CYP7B1: variants seen among roughly 807,000 people sequenced by gnomAD.
CYP7B1 encodes cytochrome P450 7B1.
A neutral mutation model predicts 42.7 loss-of-function variants in CYP7B1; 29 were observed. The ratio of observed to expected loss-of-function variants is 0.68; its 90% confidence interval spans 0.51 to 0.93. The LOEUF is 0.93. CYP7B1 is among the 40% of genes least tolerant of loss of function. CYP7B1 has a pLI of 0.00. For synonymous variants in CYP7B1, 235 were observed against 218.2 expected (o/e 1.08, Z -0.68); for missense variants, 655 against 600.5 (o/e 1.09, Z -0.95).
At chr8:64,729,217 T>C (rs1807372402) in intron 1 of CYP7B1, among the ~76,000 whole-genome samples, 1 of 152,182 alleles carries the variant, frequency 6.6e-6, no homozygotes. Context: ...TAAATATGTA[T>C]TTCAGATGAT....
chr8:64,724,594 A>T (rs746551778), intron 1 of CYP7B1, among the ~76,000 whole-genome samples: 2 of 152,234 alleles, frequency 1.3e-5, no homozygotes, highest in Non-Finnish European at 2.9e-5. Flanking sequence ...ATGTCTGAGA[A>T]GCAAGTCTGG....
chr8:64,786,770 C>T (rs1419780460), intron 1 of CYP7B1, among the ~76,000 whole-genome samples: 1 of 152,244 alleles, frequency 6.6e-6, no homozygotes, highest in Non-Finnish European at 1.5e-5. Flanking sequence ...CCCTTCTGCA[C>T]TGCCCTAGCA....
downstream of CYP7B1, among the ~76,000 whole-genome samples, chr8:64,590,292 C>T (rs1161155938): frequency 6.6e-6 from 1 of 152,172 alleles, no homozygotes; most frequent in Non-Finnish European, 1.5e-5. Context: ...TGAGAAAAGC[C>T]CAGTGTCCCA....
intron 5 of CYP7B1, among the ~76,000 whole-genome samples, chr8:64,597,538 G>A (rs564020334): frequency 6.6e-6 from 1 of 152,330 alleles, no homozygotes; most frequent in African/African-American, 2.4e-5. Flanking sequence ...TGATGTTGTA[G>A]TTAATTTCTT....
In CYP7B1 at chr8:64,766,034, G is replaced by A. The variant is rs572291865; in HGVS notation, c.122+32432C>T. 1.4e-4 allele frequency among the ~76,000 whole-genome samples: 21 copies of A among 152,236 alleles called. 1 individual carries two copies. In the South Asian group the frequency reaches 3.5e-3, roughly 26 times the overall value. On this transcript the variant is annotated intron_variant, in intron 1 of 5. Transcript: ENST00000310193. ...CATAACTGCAGCCTGAGAGTTTGGC[G>A]ATTTCTGGTATCTCAGTCAGGTCAA...
intron 1 of CYP7B1, among the ~76,000 whole-genome samples, chr8:64,628,373 G>A (rs1272216365): frequency 6.6e-6 from 1 of 152,164 alleles, no homozygotes; most frequent in Non-Finnish European, 1.5e-5. Flanking sequence ...TGGAGACGGG[G>A]AGTGGTGGTT....
intron 1 of CYP7B1, among the ~76,000 whole-genome samples, chr8:64,683,199 T>G (rs1806565925): frequency 6.6e-6 from 1 of 152,154 alleles, no homozygotes; most frequent in Non-Finnish European, 1.5e-5. Flanking sequence ...TGAGTGCCCA[T>G]CAATAGATGA....
At chr8:64,756,992 C>A (rs1807818688) in intron 1 of CYP7B1, among the ~76,000 whole-genome samples, 1 of 152,148 alleles carries the variant, frequency 6.6e-6, no homozygotes, top group African/African-American at 2.4e-5. Flanking sequence ...TTGTGGAGAC[C>A]AGCCAGGTCT....
intron 1 of CYP7B1, among the ~76,000 whole-genome samples, chr8:64,648,238 TC>T (rs1406749300): frequency 3.3e-5 from 5 of 152,212 alleles, no homozygotes; most frequent in African/African-American, 1.2e-4. Context: ...CTTATTTTGA[TC>T]TTTTTTTCTA....
rs540831718 is a variant in CYP7B1, at chr8:64,628,199, A to G, written c.123-3660T>C. On this transcript the variant is annotated intron_variant, in intron 1 of 5. Transcript: ENST00000310193. ...AAAACTATAAGAACACATCTAAGAC[A>G]TCACACAAATTTGAGCTTATACAGG... Among the ~76,000 whole-genome samples, 31 of 152,340 alleles carry G rather than the reference A, an allele frequency of 2.0e-4. 1 individual carries two copies. The highest frequency in any genetic ancestry group is 7.0e-4 in the African/African-American group (29 of 41,578).
chr8:64,748,188 C>T (rs2129633432), intron 1 of CYP7B1, among the ~76,000 whole-genome samples: 1 of 152,266 alleles, frequency 6.6e-6, no homozygotes, highest in Middle Eastern at 3.4e-3. Context: ...AGGACTGAAG[C>T]ACCTGCTGAG....
At chr8:64,764,396 G>GAC (rs1563419911) in intron 1 of CYP7B1, among the ~76,000 whole-genome samples, 16 of 151,894 alleles carry the variant, frequency 1.1e-4, no homozygotes, top group Non-Finnish European at 1.8e-4. Context: ...GGCACAGAGA[G>GAC]AGAAAGAAGG....
Position 64,591,775 on chromosome 8 carries a change from C to A in CYP7B1, c.*4867G>T, listed in dbSNP as rs1050127586. Reference sequence around the variant, plus strand: ...TTAGTGATAGGTAGCTTTTTCTTAACCACTTCAGGGCTTTAGTTTCTGCTG... The same window carrying A: ...TTAGTGATAGGTAGCTTTTTCTTAAACACTTCAGGGCTTTAGTTTCTGCTG... On this transcript the variant is annotated 3_prime_UTR_variant, in exon 6 of 6. Transcript: ENST00000310193. Among the ~76,000 whole-genome samples the A allele has an allele frequency of 3.3e-5, 5 of 152,124 alleles. No individual in the cohort carries two copies. The highest frequency in any genetic ancestry group is 1.2e-4 in the African/African-American group (5 of 41,434).
chr8:64,590,877 T>A lies in CYP7B1; in HGVS notation c.*5765A>T, dbSNP rs1282245998. ...GTGCTTTAAAGTTAATTTATTAAATTTTTGTTGTACATAAAAGAACATTAA... is the reference window on the plus strand; with the variant it reads ...GTGCTTTAAAGTTAATTTATTAAATATTTGTTGTACATAAAAGAACATTAA... On this transcript the variant is annotated 3_prime_UTR_variant, in exon 6 of 6. Coordinates refer to ENST00000310193, the MANE Select transcript of CYP7B1 (RefSeq NM_004820.5). Among the ~76,000 whole-genome samples, 1 of 152,260 alleles carries A rather than the reference T, an allele frequency of 6.6e-6. No homozygotes were observed. Among genetic ancestry groups the A allele is most frequent in the Middle Eastern group, 3.4e-3 (1 of 292 alleles).
chr8:64,624,209 A>C (rs1328044289), intron 2 of CYP7B1, among the ~76,000 whole-genome samples, 194 bp downstream of exon 2: 2 of 152,154 alleles, frequency 1.3e-5, no homozygotes, highest in African/African-American at 4.8e-5. Context: ...AGTACCATGA[A>C]GAGAGTTCTA....
intron 1 of CYP7B1, among the ~76,000 whole-genome samples, chr8:64,697,731 TC>T (rs1214024971): frequency 6.6e-6 from 1 of 152,114 alleles, no homozygotes; most frequent in Non-Finnish European, 1.5e-5. Flanking sequence ...CTATGTAGCA[TC>T]CCCAAACTGT....
chr8:64,601,210 T>C (rs1285830443), intron 5 of CYP7B1, among the ~76,000 whole-genome samples: 2 of 152,212 alleles, frequency 1.3e-5, no homozygotes, highest in African/African-American at 4.8e-5. Flanking sequence ...TCAACAACTA[T>C]AAGAAGTAGA....
At chr8:64,648,807 T>C (rs766540597) in intron 1 of CYP7B1, among the ~76,000 whole-genome samples, 7 of 152,202 alleles carry the variant, frequency 4.6e-5, no homozygotes, top group Admixed American at 2.6e-4. Flanking sequence ...CTGAATGGGA[T>C]ATGGAAGAGT....
At chr8:64,628,816 A>G (rs2129630535) in intron 1 of CYP7B1, among the ~76,000 whole-genome samples, 2 of 152,336 alleles carry the variant, frequency 1.3e-5, no homozygotes, top group Non-Finnish European at 2.9e-5. Context: ...GTAGACCAAC[A>G]CAGAATATTT....
Sources: gnomAD v4.1 joint callset for allele counts (sites outside exome capture counted in the v4.1 genomes callset) on GRCh38, gnomAD v4.1.1 for gene constraint, MANE v1.5 for transcripts, NCBI Gene and HGNC (gene_info 2026-07-23, HGNC 2026-07-21) for gene names.